The following PTCHD4 variants were observed in gnomAD, a reference collection of about 807,000 sequenced individuals.
PTCHD4 encodes patched domain containing 4.
In PTCHD4, 33 loss-of-function variants were observed where a neutral mutation model predicts 58.1. The ratio of observed to expected loss-of-function variants is 0.57; its 90% CI spans 0.43 to 0.76. PTCHD4 has a LOEUF of 0.76. Among genes scored for constraint, PTCHD4 ranks in the 30% least tolerant of loss-of-function variants. PTCHD4 has a pLI of 0.00. For missense variants in PTCHD4, 1,058 were observed against 1,027.1 expected (o/e 1.03, Z -0.41); for synonymous variants, 478 against 409.6 (o/e 1.17, Z -2.02).
chr6:48,013,044 C>A (rs1762739524), intron 3 of PTCHD4, among the ~76,000 whole-genome samples: 1 of 151,906 alleles, frequency 6.6e-6, no homozygotes, highest in African/African-American at 2.4e-5. Context: ...CCTTTTTTGG[C>A]TGGGTCTCTG....
At chr6:47,888,725 T>C (rs1476146040) in intron 4 of PTCHD4, among the ~76,000 whole-genome samples, 1 of 150,862 alleles carries the variant, frequency 6.6e-6, no homozygotes, top group Non-Finnish European at 1.5e-5. Flanking sequence ...GATACATATG[T>C]ATACATGTGC....
At chr6:48,032,323 T>C (rs373208327) in intron 3 of PTCHD4, among the ~76,000 whole-genome samples, 3 of 152,186 alleles carry the variant, frequency 2.0e-5, no homozygotes, top group African/African-American at 7.2e-5. Context: ...TGCTAAGAAT[T>C]ATTTGTAAAG....
chr6:48,062,476 C>A (rs749876073), intron 3 of PTCHD4, among the ~76,000 whole-genome samples: 1 of 151,608 alleles, frequency 6.6e-6, no homozygotes, highest in Admixed American at 6.6e-5. Context: ...TTTTTTTTAA[C>A]CCTCTTTTAA....
Position 48,061,720 on chromosome 6 carries a change from G to A in PTCHD4, c.417+6510C>T, listed in dbSNP as rs541957481. Among the ~76,000 whole-genome samples, 9 of 152,282 alleles carry A rather than the reference G, an allele frequency of 5.9e-5. No homozygotes were observed. The South Asian group carries it at 1.9e-3, about 32-fold the overall frequency. On this transcript the variant is annotated intron_variant, in intron 3 of 4. Transcript: ENST00000339488. ...TAGAAAACAAACTGAAATTAATTAT[G>A]TGGCTTACAATGCAATTTGGCATGC...
At chr6:47,916,139 T>C (rs75106141) in intron 4 of PTCHD4, among the ~76,000 whole-genome samples, 1,854 of 151,904 alleles carry the variant, frequency 0.012, 39 homozygotes, top group African/African-American at 0.041. Flanking sequence ...ATCAGTGGAG[T>C]GAGAAGGGAC....
chr6:48,017,596 A>G (rs369037881), intron 3 of PTCHD4, among the ~76,000 whole-genome samples: 1 of 152,250 alleles, frequency 6.6e-6, no homozygotes, highest in East Asian at 1.9e-4. Flanking sequence ...AATCAGTTCT[A>G]AGACATAAGA....
In PTCHD4 at chr6:47,862,448, C is replaced by G. The variant is rs376932839; in HGVS notation, c.*15855G>C. Among the ~76,000 whole-genome samples the G allele has an allele frequency of 6.6e-6, 1 of 151,592 alleles. No individual in the cohort carries two copies. The highest frequency in any genetic ancestry group is 1.9e-4 in the East Asian group (1 of 5,138). On this transcript the variant is annotated 3_prime_UTR_variant, in exon 5 of 5. Coordinates refer to ENST00000339488, the MANE Select transcript of PTCHD4 (RefSeq NM_001384253.1). The stretch of plus-strand genomic sequence containing the variant: ...AAAATTTTTCAATTATTCTAGAATG[C>G]TATATCATTTTCAAAAGAATGAAAA...
At position 47,873,612 on chromosome 6, in the gene PTCHD4, T is replaced by A. The variant is rs1281865121; in HGVS notation, c.*4691A>T. Among the ~76,000 whole-genome samples, 1 of 151,764 alleles carries A rather than the reference T, an allele frequency of 6.6e-6. No homozygotes were observed. Among genetic ancestry groups the A allele is most frequent in the Non-Finnish European group, 1.5e-5 (1 of 67,792 alleles). ...GCTTTCATTTGGGTCAATATCATTG[T>A]AGTTATTTTGTAGACAAAGTAGTAA... On this transcript the variant is annotated 3_prime_UTR_variant, in exon 5 of 5. Coordinates refer to ENST00000339488, the MANE Select transcript of PTCHD4 (RefSeq NM_001384253.1).
chr6:48,007,057 G>A (rs1399449643), intron 4 of PTCHD4, among the ~76,000 whole-genome samples: 1 of 152,056 alleles, frequency 6.6e-6, no homozygotes, highest in African/African-American at 2.4e-5. Context: ...TGGCCAACAC[G>A]GTGAAACCTC....
intron 4 of PTCHD4, among the ~76,000 whole-genome samples, chr6:47,895,668 A>G (rs1196449668): frequency 6.6e-6 from 1 of 152,172 alleles, no homozygotes; most frequent in African/African-American, 2.4e-5. Context: ...CGTGCCCAAC[A>G]AGTACATAAG....
chr6:47,991,031 G>A (rs1768264072), intron 4 of PTCHD4, among the ~76,000 whole-genome samples: 1 of 151,934 alleles, frequency 6.6e-6, no homozygotes, highest in South Asian at 2.1e-4. Flanking sequence ...TAAAAGACAT[G>A]AGAAATTGTA....
At chr6:48,107,584 G>A (rs1189239525) in intron 1 of PTCHD4, among the ~76,000 whole-genome samples, 2 of 151,938 alleles carry the variant, frequency 1.3e-5, no homozygotes, top group Admixed American at 1.3e-4. Flanking sequence ...GGCAACAAAA[G>A]CCAAAATTGA....
At chr6:48,001,171 G>A (rs566474414) in intron 4 of PTCHD4, among the ~76,000 whole-genome samples, 14 of 152,232 alleles carry the variant, frequency 9.2e-5, no homozygotes, top group African/African-American at 3.1e-4. Flanking sequence ...CATGAAAATG[G>A]CCATACTGCC....
chr6:48,027,326 A>G (rs1227010472), intron 3 of PTCHD4, among the ~76,000 whole-genome samples: 1 of 152,106 alleles, frequency 6.6e-6, no homozygotes, highest in East Asian at 1.9e-4. Context: ...ACATTGATAA[A>G]TAAGATTAAC....
intron 4 of PTCHD4, among the ~76,000 whole-genome samples, chr6:47,947,791 A>G (rs1766482124): frequency 6.6e-6 from 1 of 152,064 alleles, no homozygotes; most frequent in Non-Finnish European, 1.5e-5. Flanking sequence ...TTTGGACCTC[A>G]TGACTCTGAG....
chr6:47,948,780 CTCAGTCTTGGGAT>C (rs1346157265), intron 4 of PTCHD4, among the ~76,000 whole-genome samples: 2 of 152,176 alleles, frequency 1.3e-5, no homozygotes. Context: ...AATGGCTTCA[CTCAGTCTTGGGAT>C]CCAGTCTGAA....
At chr6:48,056,729 A>T (rs911913301) in intron 3 of PTCHD4, among the ~76,000 whole-genome samples, 9 of 152,164 alleles carry the variant, frequency 5.9e-5, no homozygotes, top group African/African-American at 2.2e-4. Flanking sequence ...GGGTCCTTAG[A>T]ATACAGAATA....
chr6:47,890,992 G>A (rs1388225227), intron 4 of PTCHD4: 1 of 432,822 alleles, frequency 2.3e-6, no homozygotes, highest in Non-Finnish European at 3.1e-6. Flanking sequence ...TGGATCACTT[G>A]AGGTCAGGAG....
intron 4 of PTCHD4, among the ~76,000 whole-genome samples, chr6:47,994,027 C>G (rs1768380493): frequency 6.6e-6 from 1 of 152,148 alleles, no homozygotes; most frequent in African/African-American, 2.4e-5. Flanking sequence ...GGCTGCCTCC[C>G]AGAGACTGAA....
Sources: gnomAD v4.1 joint callset for allele counts (sites outside exome capture counted in the v4.1 genomes callset) on GRCh38, gnomAD v4.1.1 for gene constraint, MANE v1.5 for transcripts, NCBI Gene and HGNC (gene_info 2026-07-23, HGNC 2026-07-21) for gene names.